PUDP: variants seen among roughly 807,000 people sequenced by gnomAD.
PUDP encodes the protein pseudouridine-5'-phosphatase.
A neutral mutation model predicts 9.4 loss-of-function variants in PUDP; 8 were observed. That is an observed-to-expected ratio of 0.85 (90% confidence interval 0.50 to 1.53). PUDP has a LOEUF of 1.53. Ranked by LOEUF, PUDP falls within the 40% of genes most tolerant of loss-of-function variation. The probability of loss-of-function intolerance (pLI) is 0.00; values close to 1 mark genes in which losing one functional copy is unlikely to be tolerated. For missense variants in PUDP, 188 were observed against 189.7 expected (o/e 0.99, Z 0.05); for synonymous variants, 99 against 80.7 (o/e 1.23, Z -1.22).
intron 2 of PUDP, among the ~76,000 whole-genome samples, 162 bp downstream of exon 2, chrX:7,105,458 A>G (rs981908238): frequency 1.8e-5 from 2 of 111,958 alleles, no homozygotes; most frequent in East Asian, 2.8e-4. Flanking sequence ...AGCATCCCAC[A>G]GCATCAGCCA....
At chrX:7,042,774 G>A (rs1177938103) in intron 1 of PUDP, among the ~76,000 whole-genome samples, 1 of 111,604 alleles carries the variant, frequency 9.0e-6, no homozygotes, top group Non-Finnish European at 1.9e-5. Context: ...TGCCATTTCT[G>A]CAGTGAGGCC....
chrX:7,109,082 C>T (rs1569162175), intron 1 of PUDP, among the ~76,000 whole-genome samples: 1 of 111,903 alleles, frequency 8.9e-6, no homozygotes, highest in South Asian at 3.7e-4. Context: ...ATCCTGCACT[C>T]GGTCTCCCTA....
intron 3 of PUDP, among the ~76,000 whole-genome samples, chrX:6,888,936 C>T (rs934359585): frequency 1.8e-5 from 2 of 112,340 alleles, no homozygotes; most frequent in African/African-American, 6.5e-5. Context: ...CAGGAAGACA[C>T]CGTTGAATGC....
intron 3 of PUDP, among the ~76,000 whole-genome samples, chrX:6,807,423 C>T (rs952957445): frequency 6.2e-5 from 7 of 112,108 alleles, no homozygotes; most frequent in South Asian, 3.7e-4. Flanking sequence ...AATTGCTGAC[C>T]GCATTATTTG....
intron 3 of PUDP, among the ~76,000 whole-genome samples, chrX:6,880,031 T>C (rs899746500): frequency 5.1e-4 from 57 of 110,764 alleles, no homozygotes; most frequent in African/African-American, 1.8e-3. Context: ...CCAAGACTAC[T>C]CAAAGGACTG....
intron 2 of PUDP, among the ~76,000 whole-genome samples, chrX:7,100,980 G>GCGGCACATCATCTGACCACTGTCC (rs1931713667): frequency 8.9e-6 from 1 of 111,733 alleles, no homozygotes; most frequent in African/African-American, 3.3e-5. Flanking sequence ...GAATACCAAA[G>GCGGCACATCATCTGACCACTGTCC]CGGCACATCA....
At chrX:6,960,324 A>G (rs1396180997) in intron 3 of PUDP, among the ~76,000 whole-genome samples, 1 of 112,570 alleles carries the variant, frequency 8.9e-6, no homozygotes, top group Non-Finnish European at 1.9e-5. Context: ...CTCTGCCCTC[A>G]TGAATGGATT....
At chrX:6,722,106 A>T (rs1470561138), upstream of PUDP, among the ~76,000 whole-genome samples, 1 of 109,929 alleles carries the variant, frequency 9.1e-6, no homozygotes, top group Admixed American at 9.8e-5. Flanking sequence ...AGATCCCTTC[A>T]TCGCACTACC....
intron 3 of PUDP, among the ~76,000 whole-genome samples, chrX:6,747,064 C>G (rs1345727042): frequency 9.0e-6 from 1 of 111,463 alleles, no homozygotes; most frequent in Non-Finnish European, 1.9e-5. Context: ...TTTCCACAAC[C>G]TCACCAACAT....
In PUDP at chrX:7,053,443, G is replaced by A. The variant is rs12690388; in HGVS notation, c.511-2971C>T. ...CCACGTGTTGTGGGAGGGACCTGGT[G>A]GGAGACAATTGAATCATGGGGGCAG... On this transcript the variant is annotated intron_variant, in intron 3 of 3. Coordinates refer to ENST00000381077, the MANE Select transcript of PUDP (RefSeq NM_012080.5). Among the ~76,000 whole-genome samples, 594 of 111,688 alleles carry A rather than the reference G, an allele frequency of 5.3e-3. 19 individuals are homozygous for A. The East Asian group carries it at 0.13, about 24-fold the overall frequency.
At chrX:7,118,063 A>G (rs1349159492) in intron 1 of PUDP, among the ~76,000 whole-genome samples, 2 of 113,150 alleles carry the variant, frequency 1.8e-5, no homozygotes, top group East Asian at 5.6e-4. Flanking sequence ...TAGCAATACA[A>G]TATGTCCTAA....
intron 1 of PUDP, among the ~76,000 whole-genome samples, chrX:7,144,028 C>A (rs1345290508): frequency 5.3e-5 from 6 of 112,198 alleles, no homozygotes; most frequent in Non-Finnish European, 1.1e-4. Flanking sequence ...AGACCCATTA[C>A]AAATGATGGA....
chrX:7,004,038 CTT>C (rs1929367240), intron 1 of PUDP, among the ~76,000 whole-genome samples: 1 of 109,970 alleles, frequency 9.1e-6, no homozygotes, highest in Admixed American at 9.7e-5. Flanking sequence ...ACCACGCACG[CTT>C]AATTTTTGTA....
chrX:6,985,378 T>C (rs1481433912), intron 1 of PUDP, among the ~76,000 whole-genome samples: 1 of 111,515 alleles, frequency 9.0e-6, no homozygotes, highest in Non-Finnish European at 1.9e-5. Flanking sequence ...GCTGGGGTGA[T>C]TGCCCTTATT....
chrX:7,134,335 A>G (rs1932690710), intron 1 of PUDP, among the ~76,000 whole-genome samples: 1 of 112,120 alleles, frequency 8.9e-6, no homozygotes, highest in Admixed American at 9.5e-5. Context: ...TGGCAAAACT[A>G]TGAACAAATG....
chrX:7,077,112 C>T (rs1369560119), intron 3 of PUDP, 108 bp downstream of exon 3: 3 of 1,104,233 alleles, frequency 2.7e-6, no homozygotes, highest in Non-Finnish European at 3.6e-6. Flanking sequence ...TGCAAAGTGG[C>T]CTTCAACAGC....
chrX:6,971,321 C>A (rs1385547917), intron 3 of PUDP, among the ~76,000 whole-genome samples: 1 of 111,355 alleles, frequency 9.0e-6, no homozygotes, highest in African/African-American at 3.3e-5. Flanking sequence ...GTGATGCCTC[C>A]AGCTTTGTTC....
intron 1 of PUDP, among the ~76,000 whole-genome samples, chrX:7,146,132 A>AG (rs1298068374): frequency 3.2e-4 from 36 of 110,846 alleles, no homozygotes; most frequent in African/African-American, 7.5e-4. Context: ...GCAGAAAATG[A>AG]GGGGGGGGAA....
At chrX:7,111,108 T>C (rs1380538915) in intron 1 of PUDP, among the ~76,000 whole-genome samples, 1 of 110,959 alleles carries the variant, frequency 9.0e-6, no homozygotes, top group Non-Finnish European at 1.9e-5. Context: ...GTTTTATAAG[T>C]GTTTGCAAGT....
Sources: gnomAD v4.1 joint callset for allele counts (sites outside exome capture counted in the v4.1 genomes callset) on GRCh38, gnomAD v4.1.1 for gene constraint, MANE v1.5 for transcripts, NCBI Gene and HGNC (gene_info 2026-07-23, HGNC 2026-07-21) for gene names.